The following TAF3 variants were observed in gnomAD, a reference collection of about 807,000 sequenced individuals.
The protein encoded by TAF3 is transcription initiation factor TFIID subunit 3.
A neutral mutation model predicts 80.6 loss-of-function variants in TAF3; 7 were observed. The observed-to-expected ratio is 0.09, with a 90% CI of 0.05 to 0.16. TAF3 has a LOEUF of 0.16. Among genes scored for constraint, TAF3 ranks in the 10% least tolerant of loss-of-function variants. The pLI is 1.00. For missense variants in TAF3, 921 were observed against 1,140.2 expected (o/e 0.81, Z 2.77); for synonymous variants, 444 against 446.1 (o/e 1.00, Z 0.06).
At chr10:7,893,833 G>A (rs958677848) in intron 2 of TAF3, among the ~76,000 whole-genome samples, 1 of 151,968 alleles carries the variant, frequency 6.6e-6, no homozygotes, top group Non-Finnish European at 1.5e-5. Flanking sequence ...TACATAAATT[G>A]ATCCTCTTAA....
intron 2 of TAF3, among the ~76,000 whole-genome samples, chr10:7,891,388 A>G (rs1837455931): frequency 6.6e-6 from 1 of 152,198 alleles, no homozygotes. Context: ...CCTATAAATT[A>G]TATCATTTTT....
chr10:7,893,461 G>A (rs888948104), intron 2 of TAF3, among the ~76,000 whole-genome samples: 2 of 152,146 alleles, frequency 1.3e-5, no homozygotes, highest in African/African-American at 2.4e-5. Context: ...TTCTGTCTAC[G>A]TCGTGACCCA....
chr10:7,896,115 G>A (rs1266954196), intron 2 of TAF3, among the ~76,000 whole-genome samples: 1 of 152,120 alleles, frequency 6.6e-6, no homozygotes, highest in East Asian at 1.9e-4. Context: ...AGGTCCCTGG[G>A]CCTCAGTTTA....
At chr10:7,989,025 T>C (rs1831807680) in intron 4 of TAF3, among the ~76,000 whole-genome samples, 1 of 152,182 alleles carries the variant, frequency 6.6e-6, no homozygotes, top group Admixed American at 6.5e-5. Context: ...TTTTATAAAA[T>C]ATGTTTTATC....
intron 2 of TAF3, among the ~76,000 whole-genome samples, chr10:7,917,694 G>A (rs1564363072): frequency 6.6e-6 from 1 of 152,214 alleles, no homozygotes; most frequent in Non-Finnish European, 1.5e-5. Flanking sequence ...CCACCAAGGT[G>A]GCCGTGAAAG....
chr10:7,890,286 G>C (rs1427451367), intron 2 of TAF3, among the ~76,000 whole-genome samples: 2 of 152,262 alleles, frequency 1.3e-5, no homozygotes, highest in Non-Finnish European at 1.5e-5. Flanking sequence ...GTTCATTTCA[G>C]ATTCTCCTTA....
chr10:7,882,658 T>G (rs746391547), intron 2 of TAF3, among the ~76,000 whole-genome samples: 8 of 151,992 alleles, frequency 5.3e-5, no homozygotes, highest in Admixed American at 2.6e-4. Flanking sequence ...AAAGGTGGAG[T>G]GCTCCTATCA....
intron 2 of TAF3, among the ~76,000 whole-genome samples, chr10:7,948,387 C>G (rs762608199): frequency 1.8e-4 from 28 of 152,016 alleles, no homozygotes; most frequent in Non-Finnish European, 3.7e-4. Context: ...GTGCGCCCAG[C>G]CTTCGTCTGA....
At chr10:7,966,449 G>A (rs1205510920) in intron 3 of TAF3, among the ~76,000 whole-genome samples, 2 of 152,046 alleles carry the variant, frequency 1.3e-5, no homozygotes, top group Admixed American at 1.3e-4. Context: ...TAGAAACCCC[G>A]CAGTTTTGTA....
intron 2 of TAF3, among the ~76,000 whole-genome samples, chr10:7,842,156 T>TG (rs1836922330): frequency 8.1e-6 from 1 of 123,002 alleles, no homozygotes; most frequent in African/African-American, 3.1e-5. Flanking sequence ...ATATTGTTTT[T>TG]TTTTTTTGTT....
At chr10:7,974,167 C>G (rs375231262) in intron 3 of TAF3, among the ~76,000 whole-genome samples, 1 of 142,330 alleles carries the variant, frequency 7.0e-6, no homozygotes, top group Non-Finnish European at 1.6e-5. Flanking sequence ...CACACACACA[C>G]ACACAAACAC....
rs200334732 is a variant in TAF3, at chr10:7,838,366, T to G, written c.409+13806T>G. 4.8e-3 allele frequency among the ~76,000 whole-genome samples: 723 copies of G among 151,628 alleles called. 8 individuals are homozygous for G. The highest frequency in any genetic ancestry group is 0.014 in the African/African-American group (589 of 41,344). ...CTTTACCAAGCCAGTTTTGTTTTTT[T>G]TTGTTGTTGTTGTTTGTTTGTTTGT... On this transcript the variant is annotated intron_variant, in intron 2 of 6. Coordinates refer to ENST00000344293, the MANE Select transcript of TAF3 (RefSeq NM_031923.4).
At chr10:7,935,471 C>G (rs1309310523) in intron 2 of TAF3, among the ~76,000 whole-genome samples, 2 of 151,818 alleles carry the variant, frequency 1.3e-5, no homozygotes, top group African/African-American at 4.8e-5. Context: ...GTAGTCCCAG[C>G]TACTCAGGAG....
intron 2 of TAF3, among the ~76,000 whole-genome samples, chr10:7,953,211 G>T (rs1285189283): frequency 6.6e-6 from 1 of 152,166 alleles, no homozygotes; most frequent in Admixed American, 6.5e-5. Context: ...ACTTCAAAAA[G>T]TAGGGTAGAG....
intron 2 of TAF3, among the ~76,000 whole-genome samples, chr10:7,951,969 G>A (rs1046177819): frequency 7.2e-5 from 11 of 152,130 alleles, no homozygotes; most frequent in African/African-American, 2.7e-4. Context: ...TTATTCCTGG[G>A]GTGGGGAAAG....
At chr10:7,897,357 T>A (rs1837514541) in intron 2 of TAF3, among the ~76,000 whole-genome samples, 1 of 152,208 alleles carries the variant, frequency 6.6e-6, no homozygotes, top group Non-Finnish European at 1.5e-5. Context: ...TTTGAGCAAA[T>A]TATTCCATTA....
rs140456354 is a variant in TAF3, at chr10:7,996,027, ATATT to A, written c.2316-13044_2316-13041del. Among the ~76,000 whole-genome samples the A allele has an allele frequency of 8.1e-3, 1,228 of 152,318 alleles. 16 individuals are homozygous for A. Among genetic ancestry groups the A allele is most frequent in the African/African-American group, 0.028 (1,176 of 41,568 alleles). On this transcript the variant is annotated intron_variant, in intron 4 of 6. Coordinates refer to ENST00000344293, the MANE Select transcript of TAF3 (RefSeq NM_031923.4). ...AAATATAATTTCTTCCAACTTCTGA[ATATT>A]TATTTACATACCTAAGTTAGAAAAA...
chr10:7,822,486 T>C (rs867975343), intron 1 of TAF3, among the ~76,000 whole-genome samples: 12 of 130,332 alleles, frequency 9.2e-5, no homozygotes, highest in Admixed American at 4.7e-4. Flanking sequence ...CCCATACTTA[T>C]AGAAAAAAAA....
chr10:7,965,849 A>C (rs1332318538), intron 3 of TAF3, 107 bp downstream of exon 3: 1 of 1,372,848 alleles, frequency 7.3e-7, no homozygotes, highest in African/African-American at 1.5e-5. Flanking sequence ...ATCACCCATC[A>C]CTTAAGTGGA....
Sources: allele counts gnomAD v4.1 joint callset (sites outside exome capture counted in the v4.1 genomes callset), GRCh38; gene constraint gnomAD v4.1.1; transcripts MANE v1.5; gene names NCBI Gene and HGNC (gene_info 2026-07-23, HGNC 2026-07-21).